The following TBC1D4 variants were observed in gnomAD, a reference collection of about 807,000 sequenced individuals.
TBC1D4 encodes TBC1 domain family member 4, also known as TBC (Tre-2, BUB2, CDC16) domain-containing protein.
Under a neutral mutation model 142.5 loss-of-function variants are expected in TBC1D4, and 121 were observed. The observed-to-expected ratio is 0.85, with a 90% CI of 0.73 to 0.99. TBC1D4 has a LOEUF of 0.99. Among genes scored for constraint, TBC1D4 ranks in the 50% least tolerant of loss-of-function variants. The probability of loss-of-function intolerance (pLI) is 0.00; values close to 1 mark genes in which losing one functional copy is unlikely to be tolerated. For missense variants in TBC1D4, 1,475 were observed against 1,606.6 expected, an observed-to-expected ratio of 0.92 and a Z score of 1.40; for synonymous variants, 630 against 628.2, an observed-to-expected ratio of 1.00 and a Z score of -0.04.
intron 1 of TBC1D4, among the ~76,000 whole-genome samples, chr13:75,461,843 A>G (rs2138284840): frequency 6.6e-6 from 1 of 152,350 alleles, no homozygotes; most frequent in South Asian, 2.1e-4. Flanking sequence ...AACCAATTGC[A>G]GATCTCATGT....
chr13:75,358,060 G>C (rs1026402335), intron 3 of TBC1D4, among the ~76,000 whole-genome samples: 1 of 151,994 alleles, frequency 6.6e-6, no homozygotes, highest in African/African-American at 2.4e-5. Context: ...GGAGGCTTGA[G>C]GAGTGTGGGG....
At position 75,306,545 on chromosome 13, in the gene TBC1D4, G is replaced by A. The variant is rs17064121; in HGVS notation, c.2594-74C>T. 7,348 of 1,561,386 alleles carry A rather than the reference G, an allele frequency of 4.7e-3. 165 individuals carry two copies. The South Asian group carries it at 0.048, about 10-fold the overall frequency. The stretch of plus-strand genomic sequence containing the variant: ...AAACTTTAGACGTTTGATTGTATTT[G>A]TAAAACCATACCAAATGACTTTCAG... On this transcript the variant is annotated intron_variant, in intron 14 of 20. Coordinates refer to ENST00000377636, the MANE Select transcript of TBC1D4 (RefSeq NM_014832.5).
At chr13:75,474,168 T>C (rs1294468005) in intron 1 of TBC1D4, among the ~76,000 whole-genome samples, 2 of 152,200 alleles carry the variant, frequency 1.3e-5, no homozygotes, top group Non-Finnish European at 2.9e-5. Flanking sequence ...TATTTACCTG[T>C]GGAGATTTTT....
At position 75,480,877 on chromosome 13, in the gene TBC1D4, G is replaced by GCACACACACACA. The variant is rs35548574; in HGVS notation, c.498+381_498+392dup. On this transcript the variant is annotated intron_variant, in intron 1 of 20. Coordinates refer to ENST00000377636, the MANE Select transcript of TBC1D4 (RefSeq NM_014832.5). ...TACACGCGCTCGCGCGCACACGCAC[G>GCACACACACACA]CACACACACACACACACACACACAC... Among the ~76,000 whole-genome samples, 356 of 124,180 alleles carry GCACACACACACA rather than the reference G, an allele frequency of 2.9e-3. 1 individual carries two copies. The highest frequency in any genetic ancestry group is 8.3e-3 in the African/African-American group (329 of 39,550). 81.5% of individuals were successfully genotyped at this position (124,180 alleles called of 152,430 possible). A position where few individuals can be genotyped will look rare whatever the true frequency, so the allele number is the denominator to read the frequency against.
chr13:75,461,634 A>G lies in TBC1D4; in HGVS notation c.498+19636T>C, dbSNP rs539740745. ...TATAGAAATGTAAGAATGACAGAAA[A>G]AGCACTATCATTAAAATTTCCTAAT... On this transcript the variant is annotated intron_variant, in intron 1 of 20. Transcript: ENST00000377636. Among the ~76,000 whole-genome samples the G allele has an allele frequency of 1.4e-4, 21 of 152,360 alleles. No homozygotes were observed. In the South Asian group the frequency reaches 3.9e-3, roughly 29 times the overall value.
chr13:75,331,660 G>A (rs1484854189), intron 8 of TBC1D4, among the ~76,000 whole-genome samples: 2 of 151,926 alleles, frequency 1.3e-5, no homozygotes, highest in Non-Finnish European at 2.9e-5. Context: ...CATGTGTCAG[G>A]CCCTTTCCCT....
chr13:75,348,119 CA>C (rs543057690), intron 5 of TBC1D4, among the ~76,000 whole-genome samples: 54 of 152,032 alleles, frequency 3.6e-4, no homozygotes, highest in South Asian at 3.1e-3. Context: ...CCAGCCTGGG[CA>C]ACAGAGCAAG....
intron 12 of TBC1D4, 93 bp downstream of exon 12, chr13:75,319,921 G>T: frequency 7.2e-7 from 1 of 1,381,920 alleles, no homozygotes; most frequent in Non-Finnish European, 1.0e-6. Context: ...GCATTCAGGA[G>T]ACAAACAAAA....
chr13:75,477,608 C>T (rs1006324296), intron 1 of TBC1D4, among the ~76,000 whole-genome samples: 5 of 152,088 alleles, frequency 3.3e-5, no homozygotes, highest in Non-Finnish European at 5.9e-5. Context: ...ACAACTCCTG[C>T]TTTATTTTTT....
chr13:75,406,736 G>C (rs1329208124), intron 1 of TBC1D4, among the ~76,000 whole-genome samples: 1 of 152,200 alleles, frequency 6.6e-6, no homozygotes, highest in Admixed American at 6.5e-5. Flanking sequence ...AGATCAGGCA[G>C]TTCCCTCCAT....
intron 1 of TBC1D4, among the ~76,000 whole-genome samples, chr13:75,384,891 T>TG (rs55969527): frequency 0.98 from 149,985 of 152,318 alleles, 73,888 homozygotes; most frequent in East Asian, 1. Context: ...TTTTAAATTT[T>TG]ATTGCCTTAT....
At chr13:75,473,468 G>T (rs948931983) in intron 1 of TBC1D4, among the ~76,000 whole-genome samples, 2 of 152,220 alleles carry the variant, frequency 1.3e-5, no homozygotes, top group Non-Finnish European at 2.9e-5. Flanking sequence ...CACAAATTAT[G>T]TAATATTGAT....
At chr13:75,469,750 G>A (rs1359970311) in intron 1 of TBC1D4, among the ~76,000 whole-genome samples, 1 of 152,144 alleles carries the variant, frequency 6.6e-6, no homozygotes, top group East Asian at 1.9e-4. Flanking sequence ...ACTCCAGCCT[G>A]GGCCACAGAG....
At chr13:75,410,935 C>CAAAAAAAAAAAAAA (rs60172018) in intron 1 of TBC1D4, among the ~76,000 whole-genome samples, 2 of 63,210 alleles carry the variant, frequency 3.2e-5, no homozygotes, top group African/African-American at 1.3e-4. Context: ...GACTCCGTCT[C>CAAAAAAAAAAAAAA]AAAAAAAAAA....
chr13:75,325,171 A>C, intron 10 of TBC1D4, among the ~76,000 whole-genome samples: 1 of 152,312 alleles, frequency 6.6e-6, no homozygotes, highest in Middle Eastern at 3.4e-3. Context: ...ATATATATGA[A>C]GTGATCATTT....
intron 1 of TBC1D4, among the ~76,000 whole-genome samples, chr13:75,409,334 A>T (rs906741058): frequency 6.6e-6 from 1 of 152,274 alleles, no homozygotes; most frequent in Non-Finnish European, 1.5e-5. Flanking sequence ...CTAATTTTAA[A>T]TTTATATTCA....
chr13:75,358,559 C>T (rs1156651813), intron 3 of TBC1D4, among the ~76,000 whole-genome samples: 1 of 151,970 alleles, frequency 6.6e-6, no homozygotes, highest in Admixed American at 6.6e-5. Context: ...TTAAGGTGTA[C>T]AAAAACTGGC....
chr13:75,300,555 G>T (rs992080678), intron 16 of TBC1D4, among the ~76,000 whole-genome samples: 3 of 152,132 alleles, frequency 2.0e-5, no homozygotes, highest in Admixed American at 6.5e-5. Context: ...TGCAGAGCCA[G>T]TAAGAGGAAG....
chr13:75,347,927 A>G (rs1353016049), intron 5 of TBC1D4, among the ~76,000 whole-genome samples: 1 of 152,170 alleles, frequency 6.6e-6, no homozygotes, highest in Non-Finnish European at 1.5e-5. Context: ...CTTGAGACCA[A>G]GAGTTTGATA....
Sources: gnomAD v4.1 joint callset for allele counts (sites outside exome capture counted in the v4.1 genomes callset) on GRCh38, gnomAD v4.1.1 for gene constraint, MANE v1.5 for transcripts, NCBI Gene and HGNC (gene_info 2026-07-23, HGNC 2026-07-21) for gene names.